RET: variants seen among roughly 807,000 people sequenced by gnomAD.
RET encodes the protein proto-oncogene tyrosine-protein kinase receptor Ret.
In RET, 19 loss-of-function variants were observed where a neutral mutation model predicts 118.3. The observed-to-expected ratio is 0.16, with a 90% CI of 0.11 to 0.24. The LOEUF (loss-of-function observed/expected upper bound fraction) is 0.24, where lower values mean the gene tolerates loss of function less well. RET is among the 10% of genes least tolerant of loss of function. The probability of loss-of-function intolerance (pLI) is 1.00; values close to 1 mark genes in which losing one functional copy is unlikely to be tolerated. For synonymous variants in RET, 597 were observed against 644.1 expected (o/e 0.93, Z 1.11); for missense variants, 1,219 against 1,502.1 (o/e 0.81, Z 3.12).
At chr10:43,126,502 T>G (rs1838331279) in intron 18 of RET, 73 bp from the exon 19 acceptor site, 2 of 1,322,138 alleles carry the variant, frequency 1.5e-6, no homozygotes, top group African/African-American at 2.9e-5. Context: ...GCCCTGAGGA[T>G]GGCTTGTTGT....
intron 16 of RET, among the ~76,000 whole-genome samples, chr10:43,122,964 T>C (rs1212964453): frequency 1.3e-5 from 2 of 152,172 alleles, no homozygotes; most frequent in African/African-American, 4.8e-5. Flanking sequence ...ACAACAGCTT[T>C]CCGATTATAT....
chr10:43,101,636 G>A (rs1200477089), intron 2 of RET, among the ~76,000 whole-genome samples: 2 of 152,228 alleles, frequency 1.3e-5, no homozygotes, highest in Non-Finnish European at 2.9e-5. Context: ...TGTGGAATTT[G>A]CCCTGGGCCT....
chr10:43,083,167 C>G (rs1043384467), intron 1 of RET, among the ~76,000 whole-genome samples: 3 of 152,216 alleles, frequency 2.0e-5, no homozygotes, highest in Admixed American at 6.5e-5. Context: ...CGTAAGGGGC[C>G]AGCCTGGCTA....
At chr10:43,094,217 C>T (rs1403591431) in intron 1 of RET, among the ~76,000 whole-genome samples, 2 of 151,882 alleles carry the variant, frequency 1.3e-5, no homozygotes, top group Non-Finnish European at 2.9e-5. Context: ...CCACCCCCAG[C>T]CCCCAGGGAG....
At chr10:43,103,929 G>A (rs1208795336) in intron 3 of RET, among the ~76,000 whole-genome samples, 1 of 152,200 alleles carries the variant, frequency 6.6e-6, no homozygotes, top group Admixed American at 6.5e-5. Flanking sequence ...GTGACCTTCC[G>A]CCTTCAGCAT....
chr10:43,129,331 A>T lies in RET; in HGVS notation c.*1062A>T. Reference sequence around the variant, plus strand: ...AATGACAATGACCAAGGACTGCTACACCTCTGATTACAATTCTGATGTGAA... The same window carrying T: ...AATGACAATGACCAAGGACTGCTACTCCTCTGATTACAATTCTGATGTGAA... On this transcript the variant is annotated 3_prime_UTR_variant, in exon 20 of 20. Transcript: ENST00000355710. The T allele has an allele frequency of 4.3e-6, 1 of 233,732 alleles. No individual in the cohort carries two copies. Among genetic ancestry groups the T allele is most frequent in the Non-Finnish European group, 8.5e-6 (1 of 118,054 alleles). The allele number at this position is 233,732 out of a possible 1,614,324, so 14.5% of individuals were successfully genotyped here.
intron 19 of RET, chr10:43,127,622 G>T: frequency 2.7e-6 from 1 of 369,966 alleles, no homozygotes; most frequent in Non-Finnish European, 3.9e-6. Context: ...CACTGGCTTT[G>T]TGTCTAGTGC....
At chr10:43,092,327 G>T (rs1837428242) in intron 1 of RET, among the ~76,000 whole-genome samples, 2 of 152,180 alleles carry the variant, frequency 1.3e-5, no homozygotes, top group South Asian at 4.1e-4. Context: ...AGAGGAGGGG[G>T]AGTAATTGTC....
At chr10:43,105,269 C>G (rs1265724650) in intron 4 of RET, 76 bp downstream of exon 4, 13 of 1,599,558 alleles carry the variant, frequency 8.1e-6, no homozygotes, top group Non-Finnish European at 8.5e-7. Flanking sequence ...GGTTTAGTGT[C>G]CGTGTAGCCA....
intron 1 of RET, among the ~76,000 whole-genome samples, chr10:43,090,971 C>T (rs756162051): frequency 1.1e-4 from 17 of 151,704 alleles, no homozygotes; most frequent in Admixed American, 4.6e-4. Context: ...AGATACTGGC[C>T]GTGCCCAGGT....
At chr10:43,087,440 C>T (rs1295242593) in intron 1 of RET, among the ~76,000 whole-genome samples, 1 of 152,254 alleles carries the variant, frequency 6.6e-6, no homozygotes, top group Non-Finnish European at 1.5e-5. Context: ...TTGGTGTTTA[C>T]TGAGCGCCCG....
chr10:43,125,044 C>G (rs1588880240), intron 18 of RET, 62 bp downstream of exon 18: 6 of 1,489,354 alleles, frequency 4.0e-6, no homozygotes, highest in Non-Finnish European at 5.6e-6. Flanking sequence ...CAGCCTCACC[C>G]CAGGGCAGTA....
At chr10:43,097,391 T>C (rs1012141817) in intron 1 of RET, among the ~76,000 whole-genome samples, 13 of 151,948 alleles carry the variant, frequency 8.6e-5, no homozygotes, top group African/African-American at 2.9e-4. Flanking sequence ...GGGCCAGAGG[T>C]GTGTGTCCCA....
At position 43,077,116 on chromosome 10, in the gene RET, ACGTGCGTCGCGCCCCCAGTGTCCGTCG is replaced by A; in HGVS notation, c.-139_-113del. The A allele has an allele frequency of 3.3e-6, 4 of 1,194,734 alleles. No homozygotes were observed. The East Asian group carries it at 9.8e-5, about 29-fold the overall frequency. 74.0% of individuals were successfully genotyped at this position (1,194,734 alleles called of 1,614,324 possible). A position where few individuals can be genotyped will look rare whatever the true frequency, so the allele number is the denominator to read the frequency against. ...GCGCAGCAGCGCTGAGTGCCCCGGA[ACGTGCGTCGCGCCCCCAGTGTCCGTCG>A]CGTCCGCCGCGCCCCGGGCGGGGAT... On this transcript the variant is annotated 5_prime_UTR_variant, in exon 1 of 20. Coordinates refer to ENST00000355710, the MANE Select transcript of RET (RefSeq NM_020975.6).
rs906977073 is a variant in RET at position 43,102,009 on chromosome 10, CA to C, written c.338-332del. Among the ~76,000 whole-genome samples, 17 of 133,664 alleles carry C rather than the reference CA, an allele frequency of 1.3e-4. 1 individual carries two copies. Among genetic ancestry groups the C allele is most frequent in the East Asian group, 1.1e-3 (5 of 4,624 alleles). 87.7% of individuals were successfully genotyped at this position (133,664 alleles called of 152,430 possible). A position where few individuals can be genotyped will look rare whatever the true frequency, so the allele number is the denominator to read the frequency against. On this transcript the variant is annotated intron_variant, in intron 2 of 19. Coordinates refer to ENST00000355710, the MANE Select transcript of RET (RefSeq NM_020975.6). The stretch of plus-strand genomic sequence containing the variant: ...TCCAAACCTCCTGAGGAGGGTGTGG[CA>C]GGGGGGGTGCTGGTCACCCCTTACT...
At position 43,111,216 on chromosome 10, in the gene RET, G is replaced by C. The variant is rs764558748; in HGVS notation, c.1273G>C (p.Val425Leu). ...CCCTGTGCCCCCCTAGATCGGGAAA[G>C]TCTGTGTGGAAAACTGCCAGGCATT... is the stretch of plus-strand genomic sequence containing the variant. ...RARRFAQIGK[V>L]CVENCQAFSG... Residue 425 changes from valine to leucine, a missense_variant, in exon 7 of 20, where the codon GTC becomes CTC. Physicochemically the swap from Val to Leu is conservative, Grantham distance 32. This residue lies in a region of RET where 850 missense variants were observed against 969.6 expected (regional missense o/e 0.88). Coordinates refer to ENST00000355710, the MANE Select transcript of RET (RefSeq NM_020975.6). 6.2e-7 allele frequency: 1 copy of C among 1,613,974 alleles called. No individual in the cohort carries two copies. The highest frequency in any genetic ancestry group is 8.5e-7 in the Non-Finnish European group (1 of 1,179,986).
rs1335705237 is a variant in RET at position 43,114,495 on chromosome 10, A to G, written c.1895A>G (p.Glu632Gly). The G allele has an allele frequency of 6.2e-7, 1 of 1,606,750 alleles. No homozygotes were observed. Among genetic ancestry groups the G allele is most frequent in the Non-Finnish European group, 8.5e-7 (1 of 1,179,896 alleles). ...PEDIQDPLCD[E>G]LCRTVIAAAV... ...CCACCCACAGATCCACTGTGCGACG[A>G]GCTGTGCCGCACGGTGATCGCAGCC... The change falls in exon 11 of 20, where the codon GAG (glutamate) becomes GGG (glycine). Residue 632 changes from glutamate to glycine, a missense_variant. Coordinates refer to ENST00000355710, the MANE Select transcript of RET (RefSeq NM_020975.6). This position sits in a 1 kb window ranked among gnomAD's most constrained non-coding sequence, Gnocchi z 4.6.
At chr10:43,092,449 A>C (rs1837430170) in intron 1 of RET, among the ~76,000 whole-genome samples, 1 of 152,266 alleles carries the variant, frequency 6.6e-6, no homozygotes, top group African/African-American at 2.4e-5. Flanking sequence ...TAAAAATTTT[A>C]AGATGATAAA....
intron 17 of RET, among the ~76,000 whole-genome samples, chr10:43,124,461 G>T (rs376510629): frequency 6.6e-6 from 1 of 152,144 alleles, no homozygotes; most frequent in Non-Finnish European, 1.5e-5. Context: ...ATTGCCAAAG[G>T]TTCTTGTTTG....
Sources: gnomAD v4.1 joint callset for allele counts (sites outside exome capture counted in the v4.1 genomes callset) on GRCh38, gnomAD v4.1.1 for gene constraint, gnomAD v4.1.1 regional missense constraint, Gnocchi (gnomAD v3.1) non-coding constraint, MANE v1.5 for transcripts, NCBI Gene and HGNC (gene_info 2026-07-23, HGNC 2026-07-21) for gene names.